The following EFNA5 variants were observed in gnomAD, a reference collection of about 807,000 sequenced individuals.
The protein encoded by EFNA5 is ephrin-A5.
EFNA5 carries 5 observed loss-of-function variants against 22.9 expected under a neutral mutation model. That is an observed-to-expected ratio of 0.22 (90% CI 0.11 to 0.46). The LOEUF is 0.46. Ranked by LOEUF, EFNA5 falls within the 20% of genes least tolerant of loss-of-function variation. EFNA5 has a pLI of 0.99. For synonymous variants in EFNA5, 113 were observed against 112.2 expected (o/e 1.01, Z -0.04); for missense variants, 237 against 293.3 (o/e 0.81, Z 1.40).
At chr5:107,478,990 T>C (rs1203791262) in intron 1 of EFNA5, among the ~76,000 whole-genome samples, 2 of 152,224 alleles carry the variant, frequency 1.3e-5, no homozygotes, top group Non-Finnish European at 2.9e-5. Flanking sequence ...CCATTCATAC[T>C]GATTGAAAGG....
chr5:107,642,962 G>A (rs891776663), intron 1 of EFNA5, among the ~76,000 whole-genome samples: 2 of 148,526 alleles, frequency 1.3e-5, no homozygotes, highest in African/African-American at 2.5e-5. Context: ...TAATCTAGAC[G>A]ATCTTGAAGG....
intron 1 of EFNA5, among the ~76,000 whole-genome samples, chr5:107,461,684 T>C (rs1749840030): frequency 6.6e-6 from 1 of 152,128 alleles, no homozygotes; most frequent in Admixed American, 6.6e-5. Context: ...GATCCTGTTA[T>C]TACCTCTTTA....
At chr5:107,398,217 A>G (rs1000980708) in intron 2 of EFNA5, among the ~76,000 whole-genome samples, 1 of 152,106 alleles carries the variant, frequency 6.6e-6, no homozygotes, top group Non-Finnish European at 1.5e-5. Context: ...AATCTCCTGG[A>G]AAGTCCACCT....
At chr5:107,467,405 TAG>T (rs923928840) in intron 1 of EFNA5, among the ~76,000 whole-genome samples, 4 of 152,116 alleles carry the variant, frequency 2.6e-5, no homozygotes, top group Non-Finnish European at 4.4e-5. Context: ...CTCCTTTCAA[TAG>T]AGAGAAAGAG....
intron 1 of EFNA5, among the ~76,000 whole-genome samples, chr5:107,625,353 T>C (rs1750121152): frequency 1.3e-5 from 2 of 152,016 alleles, no homozygotes; most frequent in Admixed American, 6.6e-5. Flanking sequence ...AGAATGATTA[T>C]TGAATTCAAT....
At chr5:107,537,386 G>T (rs1272516606) in intron 1 of EFNA5, among the ~76,000 whole-genome samples, 1 of 151,554 alleles carries the variant, frequency 6.6e-6, no homozygotes, top group East Asian at 2.0e-4. Context: ...AGATCACGAG[G>T]TCAGGAGTTT....
chr5:107,453,384 A>G (rs1749610126), intron 1 of EFNA5, among the ~76,000 whole-genome samples: 1 of 152,166 alleles, frequency 6.6e-6, no homozygotes, highest in Non-Finnish European at 1.5e-5. Flanking sequence ...ATAAAAATGT[A>G]TTATTACCAA....
chr5:107,457,064 A>C (rs1263240032), intron 1 of EFNA5, among the ~76,000 whole-genome samples: 1 of 152,154 alleles, frequency 6.6e-6, no homozygotes, highest in Admixed American at 6.6e-5. Context: ...CCACAGGGTC[A>C]CAGGCCCTCC....
chr5:107,476,057 T>TATATATATATG, intron 1 of EFNA5, among the ~76,000 whole-genome samples: 4 of 100,408 alleles, frequency 4.0e-5, no homozygotes, highest in Admixed American at 1.1e-4. Context: ...TATATATATA[T>TATATATATATG]TTTTTTTTTT....
intron 1 of EFNA5, among the ~76,000 whole-genome samples, chr5:107,590,518 A>G (rs970326664): frequency 6.6e-6 from 1 of 151,900 alleles, no homozygotes; most frequent in African/African-American, 2.4e-5. Context: ...CCTCCCAAGT[A>G]ACTGGGACTA....
At chr5:107,647,670 A>AGG (rs2081610107) in intron 1 of EFNA5, among the ~76,000 whole-genome samples, 1 of 152,196 alleles carries the variant, frequency 6.6e-6, no homozygotes, top group Non-Finnish European at 1.5e-5. Context: ...ATGCAGAAAC[A>AGG]CCAGCAAACA....
chr5:107,629,024 T>G (rs938627956), intron 1 of EFNA5, among the ~76,000 whole-genome samples: 1 of 152,194 alleles, frequency 6.6e-6, no homozygotes, highest in African/African-American at 2.4e-5. Context: ...AAGTGTCATT[T>G]ATTTGTCTCT....
intron 1 of EFNA5, among the ~76,000 whole-genome samples, chr5:107,601,662 AG>A (rs1749597519): frequency 6.6e-6 from 1 of 152,228 alleles, no homozygotes; most frequent in Admixed American, 6.5e-5. Flanking sequence ...ATACTTGCTA[AG>A]GGTAAGTGCA....
intron 1 of EFNA5, among the ~76,000 whole-genome samples, chr5:107,454,042 T>A (rs1487773102): frequency 6.6e-6 from 1 of 151,834 alleles, no homozygotes; most frequent in African/African-American, 2.4e-5. Context: ...ATTAAAGGGG[T>A]TCCAATATGA....
At chr5:107,539,729 T>C (rs1374321327) in intron 1 of EFNA5, among the ~76,000 whole-genome samples, 1 of 152,168 alleles carries the variant, frequency 6.6e-6, no homozygotes, top group Non-Finnish European at 1.5e-5. Context: ...AGTGCTGGGA[T>C]TACAGGCTAT....
intron 1 of EFNA5, among the ~76,000 whole-genome samples, chr5:107,661,649 T>G (rs1427555032): frequency 6.6e-6 from 1 of 152,242 alleles, no homozygotes; most frequent in East Asian, 1.9e-4. Context: ...AAAGATAATT[T>G]CCCATACTTA....
At chr5:107,442,539 G>A (rs923132792) in intron 1 of EFNA5, among the ~76,000 whole-genome samples, 2 of 152,144 alleles carry the variant, frequency 1.3e-5, no homozygotes, top group Non-Finnish European at 2.9e-5. Context: ...GTTTTCCTAG[G>A]AAAGTTGAGC....
Position 107,409,297 on chromosome 5 carries a change from T to G in EFNA5, c.418+17920A>C, listed in dbSNP as rs562355822. On this transcript the variant is annotated intron_variant, in intron 2 of 4. Transcript: ENST00000333274. ...AGACATCAAAATTTGGGGAACCTTT[T>G]GGATTCAGCAGTCAGAACCCAACCA... is the stretch of plus-strand genomic sequence containing the variant. Among the ~76,000 whole-genome samples the G allele has an allele frequency of 4.9e-4, 74 of 152,360 alleles. 1 individual carries two copies. The highest frequency in any genetic ancestry group is 3.4e-3 in the Middle Eastern group (1 of 294).
At chr5:107,499,454 C>T (rs1747083192) in intron 1 of EFNA5, among the ~76,000 whole-genome samples, 1 of 152,222 alleles carries the variant, frequency 6.6e-6, no homozygotes, top group Non-Finnish European at 1.5e-5. Flanking sequence ...GTAATTTTCC[C>T]TACATGCACA....
Sources: allele counts gnomAD v4.1 joint callset (sites outside exome capture counted in the v4.1 genomes callset), GRCh38; gene constraint gnomAD v4.1.1; transcripts MANE v1.5; gene names NCBI Gene and HGNC (gene_info 2026-07-23, HGNC 2026-07-21).